The following SEMA3C variants were observed in gnomAD, a reference collection of about 807,000 sequenced individuals.
SEMA3C encodes semaphorin 3C.
SEMA3C carries 47 observed loss-of-function variants against 89.4 expected under a neutral mutation model. The ratio of observed to expected loss-of-function variants is 0.53; its 90% CI spans 0.42 to 0.67. SEMA3C has a LOEUF of 0.67. SEMA3C is among the 30% of genes least tolerant of loss of function. SEMA3C has a pLI of 0.00. For missense variants in SEMA3C, 839 were observed against 929.1 expected (o/e 0.90, Z 1.26); for synonymous variants, 310 against 320.2 (o/e 0.97, Z 0.34).
intron 13 of SEMA3C, among the ~76,000 whole-genome samples, chr7:80,763,383 T>C (rs1788229013): frequency 6.6e-6 from 1 of 152,196 alleles, no homozygotes; most frequent in Non-Finnish European, 1.5e-5. Context: ...AGACAGTAAC[T>C]GTATTCAGTA....
chr7:80,841,151 A>G (rs548640724), intron 2 of SEMA3C, among the ~76,000 whole-genome samples: 4 of 152,164 alleles, frequency 2.6e-5, no homozygotes, highest in Non-Finnish European at 4.4e-5. Flanking sequence ...TCAGATGCCA[A>G]TGAAACAAAT....
intron 14 of SEMA3C, among the ~76,000 whole-genome samples, chr7:80,760,282 A>G (rs1456936701): frequency 6.6e-6 from 1 of 152,220 alleles, no homozygotes; most frequent in African/African-American, 2.4e-5. Context: ...AAATATAGTT[A>G]AAACTTGCAT....
chr7:80,855,914 C>T (rs765355338), intron 2 of SEMA3C, among the ~76,000 whole-genome samples: 26 of 152,048 alleles, frequency 1.7e-4, no homozygotes, highest in Non-Finnish European at 2.9e-4. Flanking sequence ...ATTCATGTTA[C>T]GTTTTAACTA....
chr7:80,858,850 C>G (rs1056180335), intron 2 of SEMA3C, among the ~76,000 whole-genome samples: 1 of 152,020 alleles, frequency 6.6e-6, no homozygotes, highest in South Asian at 2.1e-4. Context: ...AGTATGAATT[C>G]GAGGTAATTC....
chr7:80,797,653 T>C (rs905896367), intron 11 of SEMA3C, among the ~76,000 whole-genome samples: 9 of 152,230 alleles, frequency 5.9e-5, no homozygotes, highest in Non-Finnish European at 1.3e-4. Context: ...AATGGAACTA[T>C]CTCTATGTGA....
At chr7:80,754,957 G>GTTTTTTTTTGTTTTTTTTTTT (rs1788025685) in intron 15 of SEMA3C, among the ~76,000 whole-genome samples, 2 of 108,388 alleles carry the variant, frequency 1.8e-5, no homozygotes, top group Non-Finnish European at 3.7e-5. Flanking sequence ...GTTTTTTTTT[G>GTTTTTTTTTGTTTTTTTTTTT]TTTTTTTTTT....
intron 7 of SEMA3C, 77 bp downstream of exon 7, chr7:80,805,562 C>A: frequency 7.9e-7 from 1 of 1,266,374 alleles, no homozygotes; most frequent in Admixed American, 2.4e-5. Context: ...TAACCATTTT[C>A]CCTAGTTGTT....
intron 9 of SEMA3C, among the ~76,000 whole-genome samples, chr7:80,801,651 T>G (rs1175598637): frequency 6.6e-6 from 1 of 151,982 alleles, no homozygotes; most frequent in Admixed American, 6.6e-5. Context: ...AGCAATAAAT[T>G]TATAACCACT....
chr7:80,818,707 G>A (rs12669329), intron 4 of SEMA3C, among the ~76,000 whole-genome samples: 32,859 of 151,950 alleles, frequency 0.22, 3,938 homozygotes, highest in East Asian at 0.36. Flanking sequence ...AAAAGTTTAC[G>A]AATTTGTGCT....
intron 13 of SEMA3C, 81 bp downstream of exon 13, chr7:80,765,074 A>C: frequency 1.2e-6 from 1 of 864,330 alleles, no homozygotes; most frequent in Non-Finnish European, 1.8e-6. Flanking sequence ...TATCAAATAT[A>C]GTTTCCTCCC....
chr7:80,802,908 C>A (rs909458677), intron 8 of SEMA3C, 129 bp from the exon 9 acceptor site: 13 of 552,180 alleles, frequency 2.4e-5, no homozygotes, highest in South Asian at 9.9e-5. Flanking sequence ...CACTTCTGCA[C>A]ATCAGTTGTC....
chr7:80,913,916 T>A (rs1792210718), intron 2 of SEMA3C, among the ~76,000 whole-genome samples: 1 of 152,210 alleles, frequency 6.6e-6, no homozygotes. Context: ...AAATTGCCTA[T>A]GATGCTTATT....
chr7:80,800,260 C>A (rs929970925), intron 10 of SEMA3C, among the ~76,000 whole-genome samples: 1 of 151,808 alleles, frequency 6.6e-6, no homozygotes, highest in Non-Finnish European at 1.5e-5. Context: ...TACTGAAATG[C>A]GTAATTGTTT....
At chr7:80,784,426 T>C (rs946675786) in intron 12 of SEMA3C, among the ~76,000 whole-genome samples, 16 of 152,044 alleles carry the variant, frequency 1.1e-4, no homozygotes, top group African/African-American at 3.1e-4. Context: ...TAAATAAATG[T>C]AGTTTCCAGC....
intron 2 of SEMA3C, among the ~76,000 whole-genome samples, chr7:80,868,024 G>T (rs1790969338): frequency 6.6e-6 from 1 of 152,110 alleles, no homozygotes; most frequent in Non-Finnish European, 1.5e-5. Context: ...TGACTTAATT[G>T]TATTATGAAA....
At chr7:80,918,353 T>C (rs1042687307) in intron 1 of SEMA3C, 1 of 152,196 alleles carries the variant, frequency 6.6e-6, no homozygotes, top group African/African-American at 2.4e-5. Context: ...AGAATACTGG[T>C]GATACAATGG....
intron 2 of SEMA3C, among the ~76,000 whole-genome samples, chr7:80,913,817 T>C (rs1448407938): frequency 6.6e-6 from 1 of 152,148 alleles, no homozygotes; most frequent in Admixed American, 6.5e-5. Flanking sequence ...AAATCACTGT[T>C]TTACAAATGT....
Position 80,744,800 on chromosome 7 carries a change from TC to T in SEMA3C, c.*93del. ...AGGAGTAATCACCTTTTTCAGTAAT[TC>T]CCCTTGGTAAAGCACAAGTTTCTTT... On this transcript the variant is annotated 3_prime_UTR_variant, in exon 18 of 18. Transcript: ENST00000265361. 7.2e-7 allele frequency: 1 copy of T among 1,392,350 alleles called. No homozygotes were observed. The highest frequency in any genetic ancestry group is 1.0e-6 in the Non-Finnish European group (1 of 993,356). 86.2% of individuals were successfully genotyped at this position (1,392,350 alleles called of 1,614,324 possible).
At chr7:80,787,170 G>A (rs1216326548) in intron 12 of SEMA3C, among the ~76,000 whole-genome samples, 1 of 152,016 alleles carries the variant, frequency 6.6e-6, no homozygotes, top group Non-Finnish European at 1.5e-5. Context: ...AAGGTGGGTG[G>A]ATCACGTGAT....
Sources: gnomAD v4.1 joint callset for allele counts (sites outside exome capture counted in the v4.1 genomes callset) on GRCh38, gnomAD v4.1.1 for gene constraint, MANE v1.5 for transcripts, NCBI Gene and HGNC (gene_info 2026-07-23, HGNC 2026-07-21) for gene names.